Variants in RNASEL observed in about 807,000 individuals in gnomAD.
RNASEL encodes 2-5A-dependent ribonuclease.
In RNASEL, 36 loss-of-function variants were observed where a neutral mutation model predicts 50.9. That is an observed-to-expected ratio of 0.71 (90% CI 0.54 to 0.93). The LOEUF is 0.93. Ranked by LOEUF, RNASEL falls within the 40% of genes least tolerant of loss-of-function variation. The probability of loss-of-function intolerance (pLI) is 0.00; values close to 1 mark genes in which losing one functional copy is unlikely to be tolerated. For synonymous variants in RNASEL, 335 were observed against 335.6 expected (o/e 1.00, Z 0.02); for missense variants, 860 against 894.5 (o/e 0.96, Z 0.49).
Position 182,586,634 on chromosome 1 carries a change from C to G in RNASEL, c.173G>C (p.Gly58Ala). 6.2e-7 allele frequency: 1 copy of G among 1,613,512 alleles called. No homozygotes were observed. The highest frequency in any genetic ancestry group is 2.2e-5 in the East Asian group (1 of 44,872). ...TGCGTTATGCAGAGGTGTCCAGCCC[C>G]CTTCCTCTTCCTGGAAATTAACATT... ...GANVNFQEEE[G>A]GWTPLHNAVQ... The change falls in exon 2 of 7, where the codon GGG becomes GCG. Residue 58 changes from glycine (G) to alanine (A), a missense_variant. Transcript: ENST00000367559.
Position 182,586,029 on chromosome 1 carries a change from C to T in RNASEL, c.778G>A (p.Glu260Lys), listed in dbSNP as rs2102371153. ...TCATTAATCTCTATGTGCTCTTGCTCCAGAAGCCTCTGCACCAAACCCAAG... is the reference window on the plus strand; with the variant it reads ...TCATTAATCTCTATGTGCTCTTGCTTCAGAAGCCTCTGCACCAAACCCAAG... ...KHLGLVQRLL[E>K]QEHIEINDTD... Residue 260 changes from glutamate to lysine, a missense_variant, in exon 2 of 7, where the codon GAG becomes AAG. Physicochemically the swap from Glu to Lys is moderately conservative, Grantham distance 56. Transcript: ENST00000367559. 1 of 1,614,032 alleles carries T rather than the reference C, an allele frequency of 6.2e-7. No homozygotes were observed. Among genetic ancestry groups the T allele is most frequent in the Non-Finnish European group, 8.5e-7 (1 of 1,180,030 alleles).
At chr1:182,580,987 A>G (rs1490898119) in intron 5 of RNASEL, among the ~76,000 whole-genome samples, 1 of 152,156 alleles carries the variant, frequency 6.6e-6, no homozygotes, top group Non-Finnish European at 1.5e-5. Context: ...AGCCTGAATA[A>G]CAGTCTATCA....
At chr1:182,587,667 A>G (rs1441703484) in intron 1 of RNASEL, among the ~76,000 whole-genome samples, 1 of 151,418 alleles carries the variant, frequency 6.6e-6, no homozygotes, top group Non-Finnish European at 1.5e-5. Context: ...ATTTATCAAT[A>G]AAAAAAGAAG....
chr1:182,587,568 G>C (rs10911100), intron 1 of RNASEL, among the ~76,000 whole-genome samples: 1 of 146,944 alleles, frequency 6.8e-6, no homozygotes, highest in Non-Finnish European at 1.5e-5. Flanking sequence ...TTAACAAATT[G>C]CTTTCAATGT....
In RNASEL at chr1:182,586,612, G is replaced by T. The variant is rs113469614; in HGVS notation, c.195C>A (p.Asn65Lys). The change falls in exon 2 of 7, where the codon AAC becomes AAA. Residue 65 changes from asparagine to lysine, a missense_variant. Asn to Lys is a moderately conservative substitution (Grantham distance 94). Coordinates refer to ENST00000367559, the MANE Select transcript of RNASEL (RefSeq NM_021133.4). Reference sequence around the variant, plus strand: ...TGTCCTCCCTGCTCATTTGTACTGCGTTATGCAGAGGTGTCCAGCCCCCTT... The same window carrying T: ...TGTCCTCCCTGCTCATTTGTACTGCTTTATGCAGAGGTGTCCAGCCCCCTT... ...EEEGGWTPLH[N>K]AVQMSREDIV... 4.9e-5 allele frequency: 79 copies of T among 1,611,812 alleles called. No individual in the cohort carries two copies. In the East Asian group the frequency reaches 1.6e-3, roughly 33 times the overall value.
rs1333761203 is a variant in RNASEL at position 182,585,351 on chromosome 1, G to C, written c.1456C>G (p.Leu486Val). The C allele has an allele frequency of 2.5e-6, 4 of 1,614,114 alleles. No individual in the cohort carries two copies. Among genetic ancestry groups the C allele is most frequent in the Admixed American group, 1.7e-5 (1 of 60,022 alleles). ...HLSCGYTHQD[L>V]QPQNILIDSK... ...CCTATTAAGATGTTTTGTGGTTGCAGATCCTGGTGGGTGTATCCACAGGAC... is the reference window on the plus strand; with the variant it reads ...CCTATTAAGATGTTTTGTGGTTGCACATCCTGGTGGGTGTATCCACAGGAC... The change falls in exon 2 of 7, where the codon CTG becomes GTG. Residue 486 changes from leucine (L) to valine (V), a missense_variant. Leu to Val is a conservative substitution (Grantham distance 32, BLOSUM62 1). Transcript: ENST00000367559.
chr1:182,584,233 T>G (rs1358270646), intron 2 of RNASEL, 67 bp from the exon 3 acceptor site: 2 of 1,000,772 alleles, frequency 2.0e-6, no homozygotes, highest in Non-Finnish European at 3.2e-6. Flanking sequence ...TCAATTGATT[T>G]ATATAAATAT....
rs759792688 is a variant in RNASEL at position 182,586,349 on chromosome 1, A to C, written c.458T>G (p.Leu153Trp). The change falls in exon 2 of 7, where the codon TTG becomes TGG. Residue 153 changes from leucine to tryptophan, a missense_variant. By Grantham distance (61) the Leu-to-Trp change is moderately conservative (BLOSUM62 -2). Coordinates refer to ENST00000367559, the MANE Select transcript of RNASEL (RefSeq NM_021133.4). ...TTGATCCTCCTTTGTCTTTCGCCTCAAATTCACATTTGCTCCTCTCTTATA... is the reference window on the plus strand; with the variant it reads ...TTGATCCTCCTTTGTCTTTCGCCTCCAATTCACATTTGCTCCTCTCTTATA... ...FLYKRGANVN[L>W]RRKTKEDQER... The C allele has an allele frequency of 5.0e-6, 8 of 1,614,050 alleles. No homozygotes were observed. The highest frequency in any genetic ancestry group is 6.8e-6 in the Non-Finnish European group (8 of 1,180,044).
intron 2 of RNASEL, 52 bp from the exon 3 acceptor site, chr1:182,584,218 G>T: frequency 1.7e-6 from 2 of 1,147,244 alleles, no homozygotes; most frequent in South Asian, 1.2e-5. Flanking sequence ...TCCATAAAGT[G>T]AGAGTCAATT....
rs748967483 is a variant in RNASEL, at chr1:182,586,424, G to A, written c.383C>T (p.Ala128Val). The change falls in exon 2 of 7, where the codon GCC becomes GTC. Residue 128 changes from alanine to valine, a missense_variant. Physicochemically the swap from Ala to Val is moderately conservative, Grantham distance 64. Coordinates refer to ENST00000367559, the MANE Select transcript of RNASEL (RefSeq NM_021133.4). ...VNECDFYGFT[A>V]FMEAAVYGKV... is the part of the protein sequence containing the mutation. ...ACCATACACAGCGGCTTCCATGAAG[G>A]CTGTGAAGCCATAAAAATCACACTC... is the stretch of plus-strand genomic sequence containing the variant. 3 of 1,614,090 alleles carry A rather than the reference G, an allele frequency of 1.9e-6. No individual in the cohort carries two copies. The highest frequency in any genetic ancestry group is 2.5e-6 in the Non-Finnish European group (3 of 1,180,018).
intron 2 of RNASEL, among the ~76,000 whole-genome samples, chr1:182,584,670 T>C (rs1661558188): frequency 1.3e-5 from 2 of 152,280 alleles, no homozygotes; most frequent in Middle Eastern, 3.4e-3. Flanking sequence ...CAGCCTCAAG[T>C]GAGGAACTGA....
chr1:182,579,705 A>G (rs1312346739), intron 5 of RNASEL: 1 of 1,148,496 alleles, frequency 8.7e-7, no homozygotes, highest in Non-Finnish European at 1.1e-6. Context: ...ATCAAAATTC[A>G]ATATAAGCCC....
At chr1:182,582,354 G>T in intron 3 of RNASEL, 96 bp from the exon 4 acceptor site, 1 of 1,432,082 alleles carries the variant, frequency 7.0e-7, no homozygotes, top group Non-Finnish European at 9.8e-7. Flanking sequence ...AAGATGATGG[G>T]AGGAATCTCA....
intron 5 of RNASEL, among the ~76,000 whole-genome samples, chr1:182,580,200 C>T (rs1173919061): frequency 6.6e-6 from 1 of 152,174 alleles, no homozygotes; most frequent in African/African-American, 2.4e-5. Context: ...GATAGACATT[C>T]ATTTAGTAAA....
rs1303490689 is a variant in RNASEL at position 182,587,065 on chromosome 1, ATATT to A, written c.-164-99_-164-96del. 6.8e-5 allele frequency: 22 copies of A among 322,094 alleles called. No individual in the cohort carries two copies. The South Asian group carries it at 1.0e-3, about 15-fold the overall frequency. 20.0% of individuals were successfully genotyped at this position (322,094 alleles called of 1,614,324 possible). On this transcript the variant is annotated intron_variant, in intron 1 of 6. Transcript: ENST00000367559. Reference sequence around the variant, plus strand: ...ATATTAGCATTTTTTCTAAATACATATATTTATTTCTTATAAAACTTTTAAATTA... The same window carrying A: ...ATATTAGCATTTTTTCTAAATACATATATTTCTTATAAAACTTTTAAATTA...
chr1:182,581,092 G>T, intron 5 of RNASEL, 133 bp downstream of exon 5: 1 of 1,323,912 alleles, frequency 7.6e-7, no homozygotes. Context: ...AGGGATGGGA[G>T]GGCAGGAGGC....
At chr1:182,576,437 A>T in intron 5 of RNASEL, 48 bp from the exon 6 acceptor site, 1 of 1,433,928 alleles carries the variant, frequency 7.0e-7, no homozygotes. Flanking sequence ...ACACAAAATA[A>T]ATCCTGATGA....
intron 5 of RNASEL, chr1:182,579,203 C>T (rs538399395): frequency 2.1e-6 from 2 of 974,252 alleles, no homozygotes; most frequent in Admixed American, 1.2e-4. Flanking sequence ...CAAAACTATA[C>T]TAGTACCCTC....
At chr1:182,580,705 G>T (rs1411960592) in intron 5 of RNASEL, among the ~76,000 whole-genome samples, 1 of 152,208 alleles carries the variant, frequency 6.6e-6, no homozygotes, top group Admixed American at 6.5e-5. Context: ...CAAGTTAGGT[G>T]GAACTTTTCT....
Sources: gnomAD v4.1 joint callset for allele counts (sites outside exome capture counted in the v4.1 genomes callset) on GRCh38, gnomAD v4.1.1 for gene constraint, MANE v1.5 for transcripts, NCBI Gene and HGNC (gene_info 2026-07-23, HGNC 2026-07-21) for gene names.